MORC1: variants seen among roughly 807,000 people sequenced by gnomAD.
MORC1 encodes the protein MORC family CW-type zinc finger 1.
A neutral mutation model predicts 134.9 loss-of-function variants in MORC1; 59 were observed. The ratio of observed to expected loss-of-function variants is 0.44; its 90% CI spans 0.35 to 0.54. The LOEUF is 0.54. MORC1 is among the 20% of genes least tolerant of loss of function. The pLI, the probability that MORC1 is intolerant of heterozygous loss-of-function variation, is 0.00. For missense variants in MORC1, 947 were observed against 1,134.5 expected (o/e 0.83, Z 2.37); for synonymous variants, 395 against 391.7 (o/e 1.01, Z -0.10).
At position 109,032,735 on chromosome 3, in the gene MORC1, T is replaced by C. The variant is rs756842809; in HGVS notation, c.1550A>G (p.Asn517Ser). 77 of 1,594,210 alleles carry C rather than the reference T, an allele frequency of 4.8e-5. 1 individual carries two copies. Among genetic ancestry groups the C allele is most frequent in the Non-Finnish European group, 6.4e-5 (75 of 1,167,246 alleles). ...FDIWICANNPNRLENSCHQVE... is the reference protein window; with the variant it reads ...FDIWICANNPSRLENSCHQVE... ...TCAAAAATACCTGTTTTCCAAGCGGTTGGGATTATTAGCACAAATCCAAAT... is the reference window on the plus strand; with the variant it reads ...TCAAAAATACCTGTTTTCCAAGCGGCTGGGATTATTAGCACAAATCCAAAT... Residue 517 changes from asparagine (N) to serine (S), a missense_variant, in exon 16 of 28, where the codon AAC (asparagine) becomes AGC (serine). Coordinates refer to ENST00000232603, the MANE Select transcript of MORC1 (RefSeq NM_014429.4).
intron 16 of MORC1, among the ~76,000 whole-genome samples, chr3:109,032,226 A>C (rs1030389231): frequency 2.6e-5 from 4 of 152,178 alleles, no homozygotes; most frequent in African/African-American, 9.7e-5. Context: ...TTAGTCTAAA[A>C]GGGCTTGTAA....
chr3:108,966,149 C>A (rs1238527868), intron 26 of MORC1, among the ~76,000 whole-genome samples: 1 of 152,154 alleles, frequency 6.6e-6, no homozygotes, highest in Non-Finnish European at 1.5e-5. Flanking sequence ...AGATGAGAGG[C>A]TTAGTTCTGC....
chr3:109,041,515 C>T (rs545962081), intron 14 of MORC1, among the ~76,000 whole-genome samples: 2 of 152,104 alleles, frequency 1.3e-5, no homozygotes, highest in African/African-American at 4.8e-5. Flanking sequence ...AGTTCAAGAC[C>T]AGCCTGGCCA....
intron 17 of MORC1, among the ~76,000 whole-genome samples, chr3:109,010,205 G>A (rs1424565136): frequency 6.6e-6 from 1 of 152,028 alleles, no homozygotes; most frequent in African/African-American, 2.4e-5. Flanking sequence ...GGCCATAAAT[G>A]AACAGGACTA....
At position 109,027,829 on chromosome 3, in the gene MORC1, T is replaced by C. The variant is rs148923513; in HGVS notation, c.1626A>G (p.Pro542=). 36 of 1,613,752 alleles carry C rather than the reference T, an allele frequency of 2.2e-5. No homozygotes were observed. Among genetic ancestry groups the C allele is most frequent in the Non-Finnish European group, 3.1e-5 (36 of 1,179,862 alleles). The change falls in exon 17 of 28, where the codon CCA becomes CCG. Residue 542 remains proline (P), a synonymous_variant. Coordinates refer to ENST00000232603, the MANE Select transcript of MORC1 (RefSeq NM_014429.4). ...GTTGCTTCTCTTTCTCATTTTTTGA[T>C]GGTGATATTGTGCTCATGGTGCCCA... ...IPLGTMSTIS[P]SKNEKEKQLR...
Position 109,063,220 on chromosome 3 carries a change from T to C in MORC1, c.827A>G (p.Tyr276Cys), listed in dbSNP as rs1041953986. 6.3e-7 allele frequency: 1 copy of C among 1,580,670 alleles called. No homozygotes were observed. Among genetic ancestry groups the C allele is most frequent in the Non-Finnish European group, 8.7e-7 (1 of 1,152,642 alleles). ...YCLYRPRKYL[Y>C]VTSSFKGAFK... ...TGCTCCTTTAAAAGAAGATGTGACA[T>C]AAAGATACTTTCTGGAAAGAAACAA... Residue 276 changes from tyrosine to cysteine, a missense_variant, in exon 10 of 28, where the codon TAT becomes TGT. By Grantham distance (194) the Tyr-to-Cys change is radical. This residue lies in a region of MORC1 where 722 missense variants were observed against 817.0 expected (regional missense o/e 0.88). Coordinates refer to ENST00000232603, the MANE Select transcript of MORC1 (RefSeq NM_014429.4).
chr3:109,044,838 G>T (rs1385082067), intron 14 of MORC1, among the ~76,000 whole-genome samples: 1 of 128,930 alleles, frequency 7.8e-6, no homozygotes, highest in African/African-American at 2.5e-5. Context: ...CCAGCTACTT[G>T]GGAGGCTTAG....
chr3:109,003,701 C>A (rs1045285170), intron 20 of MORC1, among the ~76,000 whole-genome samples: 1 of 152,056 alleles, frequency 6.6e-6, no homozygotes. Flanking sequence ...CATTCAAGTA[C>A]AATACATAAT....
At chr3:109,117,331 CAAAA>C (rs202128565) in intron 1 of MORC1, among the ~76,000 whole-genome samples, 11,144 of 113,690 alleles carry the variant, frequency 0.098, 650 homozygotes, top group East Asian at 0.35. Flanking sequence ...CAAAAGATGT[CAAAA>C]AAAAAAAAAA....
intron 14 of MORC1, among the ~76,000 whole-genome samples, chr3:109,052,529 C>T (rs1002967006): frequency 7.9e-5 from 12 of 152,156 alleles, no homozygotes; most frequent in Admixed American, 4.6e-4. Flanking sequence ...AACTCAGCTT[C>T]GGCAGGAAAT....
At chr3:108,964,044 T>G (rs1198933229) in intron 26 of MORC1, among the ~76,000 whole-genome samples, 1 of 152,252 alleles carries the variant, frequency 6.6e-6, no homozygotes, top group African/African-American at 2.4e-5. Context: ...TGGCAGATGA[T>G]GTAGTGTTAC....
chr3:109,010,578 T>C (rs1321260654), intron 17 of MORC1, among the ~76,000 whole-genome samples: 1 of 152,154 alleles, frequency 6.6e-6, no homozygotes, highest in Non-Finnish European at 1.5e-5. Flanking sequence ...AAATACATAA[T>C]TTGAAAGATT....
chr3:108,975,717 G>T (rs1947530625), intron 24 of MORC1, among the ~76,000 whole-genome samples: 1 of 152,028 alleles, frequency 6.6e-6, no homozygotes, highest in South Asian at 2.1e-4. Context: ...AAGCCCTTAG[G>T]ACTGTGCCTA....
chr3:109,003,788 T>G (rs1361199326), intron 20 of MORC1, among the ~76,000 whole-genome samples: 1 of 152,242 alleles, frequency 6.6e-6, no homozygotes, highest in South Asian at 2.1e-4. Context: ...AAGAAAAGAT[T>G]TGGGCAAAAA....
In MORC1 at chr3:109,118,133, C is replaced by A; in HGVS notation, c.-74G>T. 6.5e-7 allele frequency: 1 copy of A among 1,534,066 alleles called. No homozygotes were observed. The highest frequency in any genetic ancestry group is 8.9e-7 in the Non-Finnish European group (1 of 1,128,824). ...GGCAGCCGTTCGCCTGCGCCCGCGC[C>A]CACTCCCACGCCCACGCTCACGCGC... On this transcript the variant is annotated 5_prime_UTR_variant, in exon 1 of 28. Coordinates refer to ENST00000232603, the MANE Select transcript of MORC1 (RefSeq NM_014429.4).
rs543158461 is a variant in MORC1, at chr3:108,979,571, C to T, written c.2421G>A (p.Ala807=). ...SGSCKVASSP[A]SSQSTPVKET... The stretch of plus-strand genomic sequence containing the variant: ...CCTTGACAGGTGTGCTTTGAGAAGA[C>T]GCTGGCGAAGAAGCAACTTTACAAC... Residue 807 remains alanine (A), a synonymous_variant, in exon 24 of 28, where the codon GCG becomes GCA. Coordinates refer to ENST00000232603, the MANE Select transcript of MORC1 (RefSeq NM_014429.4). 2.1e-5 allele frequency: 34 copies of T among 1,614,126 alleles called. No individual in the cohort carries two copies. The highest frequency in any genetic ancestry group is 1.6e-4 in the East Asian group (7 of 44,866).
rs1208977790 is a variant in MORC1, at chr3:109,059,798, T to G, written c.1031+8A>C. On this transcript the variant is annotated splice_region_variant and intron_variant, in intron 12 of 27. Transcript: ENST00000232603. ...GGATTCCTGCAAACAGAAAACCTTG[T>G]GTCTTACCTTTGTTTCTCTTTAAGA... The G allele has an allele frequency of 1.2e-6, 2 of 1,610,194 alleles. No homozygotes were observed. Among genetic ancestry groups the G allele is most frequent in the Non-Finnish European group, 1.7e-6 (2 of 1,177,702 alleles).
chr3:108,974,918 GAGTTT>G (rs1280738826), intron 24 of MORC1, among the ~76,000 whole-genome samples: 3 of 152,318 alleles, frequency 2.0e-5, no homozygotes, highest in Middle Eastern at 3.4e-3. Context: ...AGTTTTTAGA[GAGTTT>G]AGTTAAGTGA....
Position 109,089,080 on chromosome 3 carries a change from G to C in MORC1, c.689+4356C>G, listed in dbSNP as rs562113909. Reference sequence around the variant, plus strand: ...GTCTTGAGCATGGAGGGTGGGAGGAGGGAAAGGAGCAGAAAAGGTAACTGT... The same window carrying C: ...GTCTTGAGCATGGAGGGTGGGAGGACGGAAAGGAGCAGAAAAGGTAACTGT... On this transcript the variant is annotated intron_variant, in intron 8 of 27. Coordinates refer to ENST00000232603, the MANE Select transcript of MORC1 (RefSeq NM_014429.4). 3.3e-5 allele frequency among the ~76,000 whole-genome samples: 5 copies of C among 152,166 alleles called. No homozygotes were observed. In the East Asian group the frequency reaches 9.7e-4, roughly 29 times the overall value.
Sources: allele counts gnomAD v4.1 joint callset (sites outside exome capture counted in the v4.1 genomes callset), GRCh38; gene constraint gnomAD v4.1.1; regional missense constraint gnomAD v4.1.1; transcripts MANE v1.5; gene names NCBI Gene and HGNC (gene_info 2026-07-23, HGNC 2026-07-21).